CACNA1S: variants seen among roughly 807,000 people sequenced by gnomAD.
CACNA1S encodes calcium voltage-gated channel subunit alpha1 S, also known as voltage-dependent L-type calcium channel subunit alpha-1S.
A neutral mutation model predicts 207.4 loss-of-function variants in CACNA1S; 126 were observed. The observed-to-expected ratio is 0.61, with a 90% CI of 0.53 to 0.70. The LOEUF (loss-of-function observed/expected upper bound fraction) is 0.70. Ranked by LOEUF, CACNA1S falls within the 30% of genes least tolerant of loss-of-function variation. The probability of loss-of-function intolerance (pLI) is 0.00; values close to 1 mark genes in which losing one functional copy is unlikely to be tolerated. For synonymous variants in CACNA1S, 960 were observed against 932.7 expected, an observed-to-expected ratio of 1.03 and a Z score of -0.53; for missense variants, 2,349 against 2,422.8, an observed-to-expected ratio of 0.97 and a Z score of 0.64.
At position 201,040,906 on chromosome 1, in the gene CACNA1S, C is replaced by G. The variant is rs538560763; in HGVS notation, c.5135-193G>C. Among the ~76,000 whole-genome samples the G allele has an allele frequency of 4.8e-4, 73 of 152,352 alleles. 1 individual carries two copies. In the South Asian group the frequency reaches 6.8e-3, roughly 14 times the overall value. ...TCCAGGCCAGGCAGGGCTGCCCCAA[C>G]TTTACTGGCCCTGGTCGCTGTTCTT... On this transcript the variant is annotated intron_variant, in intron 41 of 43. Coordinates refer to ENST00000362061, the MANE Select transcript of CACNA1S (RefSeq NM_000069.3).
At chr1:201,040,860 A>G in intron 41 of CACNA1S, 147 bp from the exon 42 acceptor site, 1 of 667,536 alleles carries the variant, frequency 1.5e-6, no homozygotes. Context: ...GAGGGTGGAC[A>G]CATGATGAGG....
intron 5 of CACNA1S, among the ~76,000 whole-genome samples, chr1:201,091,060 T>C (rs1002476769): frequency 2.0e-5 from 3 of 152,220 alleles, no homozygotes; most frequent in African/African-American, 7.2e-5. Context: ...AAAACCTATA[T>C]AAACAAAAGC....
At chr1:201,111,927 C>T (rs1173131068) in intron 1 of CACNA1S, among the ~76,000 whole-genome samples, 1 of 150,780 alleles carries the variant, frequency 6.6e-6, no homozygotes, top group African/African-American at 2.4e-5. Flanking sequence ...CTTCCTCCTC[C>T]TCCTCTTCCT....
intron 2 of CACNA1S, among the ~76,000 whole-genome samples, chr1:201,108,043 T>C: frequency 6.6e-6 from 1 of 151,918 alleles, no homozygotes; most frequent in Non-Finnish European, 1.5e-5. Flanking sequence ...CAGGACCACG[T>C]GAAACAGTTA....
intron 7 of CACNA1S, among the ~76,000 whole-genome samples, chr1:201,087,494 C>T (rs532505999): frequency 1.5e-3 from 221 of 152,060 alleles, no homozygotes; most frequent in Middle Eastern, 6.8e-3. Context: ...AACAGAGGGA[C>T]GGGAGGGGTG....
At chr1:201,091,900 G>A (rs2102164338) in intron 4 of CACNA1S, 72 bp downstream of exon 4, 1 of 1,607,998 alleles carries the variant, frequency 6.2e-7, no homozygotes, top group Non-Finnish European at 8.5e-7. Context: ...GGTAGGAAGG[G>A]GACCCAGAAC....
chr1:201,061,792 C>T, intron 24 of CACNA1S, 152 bp downstream of exon 24: 1 of 913,238 alleles, frequency 1.1e-6, no homozygotes, highest in Non-Finnish European at 1.8e-6. Flanking sequence ...AGTGACCAGT[C>T]AACATACCAT....
At chr1:201,103,278 G>T (rs1662747920) in intron 2 of CACNA1S, among the ~76,000 whole-genome samples, 1 of 151,892 alleles carries the variant, frequency 6.6e-6, no homozygotes, top group Non-Finnish European at 1.5e-5. Context: ...AGATATTGTG[G>T]TCCTCTGTTC....
At chr1:201,076,877 C>T (rs1476345282) in intron 12 of CACNA1S, 43 bp downstream of exon 12, 2 of 1,561,296 alleles carry the variant, frequency 1.3e-6, no homozygotes, top group Admixed American at 3.3e-5. Context: ...AAGCAGGATT[C>T]AGCAACCGTT....
In CACNA1S at chr1:201,053,638, G is replaced by A; in HGVS notation, c.3667-51C>T. 9.8e-7 allele frequency: 1 copy of A among 1,016,364 alleles called. No individual in the cohort carries two copies. Among genetic ancestry groups the A allele is most frequent in the Non-Finnish European group, 1.5e-6 (1 of 678,152 alleles). The allele number at this position is 1,016,364 out of a possible 1,614,324, so 63.0% of individuals were successfully genotyped here. The stretch of plus-strand genomic sequence containing the variant: ...AGTCTGGGGGCAGAACCTCAGAGGG[G>A]TAAGGGGCAGGGCGGGGAGGGAGGT... On this transcript the variant is annotated intron_variant, in intron 29 of 43. Transcript: ENST00000362061. This position sits in a 1 kb window ranked among gnomAD's most constrained non-coding sequence, Gnocchi z 5.1.
At chr1:201,093,109 T>C (rs574443910) in intron 3 of CACNA1S, among the ~76,000 whole-genome samples, 1 of 152,366 alleles carries the variant, frequency 6.6e-6, no homozygotes, top group East Asian at 1.9e-4. Context: ...TAGTTACTCA[T>C]GGTAATGCTA....
At position 201,085,042 on chromosome 1, in the gene CACNA1S, G is replaced by C. The variant is rs1466916514; in HGVS notation, c.1151-11C>G. On this transcript the variant is annotated splice_polypyrimidine_tract_variant and intron_variant, in intron 8 of 43. Transcript: ENST00000362061. ...CCAAAGACAGTTTTCCTGGAGACAGGAGAGAAAGAGTCAGCCAGCCTTCGG... is the reference window on the plus strand; with the variant it reads ...CCAAAGACAGTTTTCCTGGAGACAGCAGAGAAAGAGTCAGCCAGCCTTCGG... 1 of 1,603,604 alleles carries C rather than the reference G, an allele frequency of 6.2e-7. No individual in the cohort carries two copies. Among genetic ancestry groups the C allele is most frequent in the East Asian group, 2.2e-5 (1 of 44,850 alleles).
chr1:201,045,734 CAAAAA>C lies in CACNA1S; in HGVS notation c.4669-1283_4669-1279del, dbSNP rs56958698. 1.5e-4 allele frequency among the ~76,000 whole-genome samples: 11 copies of C among 72,648 alleles called. No individual in the cohort carries two copies. The South Asian group carries it at 2.7e-3, about 18-fold the overall frequency. The allele number at this position is 72,648 out of a possible 152,430, so 47.7% of individuals were successfully genotyped here. On this transcript the variant is annotated intron_variant, in intron 38 of 43. Coordinates refer to ENST00000362061, the MANE Select transcript of CACNA1S (RefSeq NM_000069.3). ...TGGGCGACAGCGAGACTCTTGTCTC[CAAAAA>C]AAAAAAAAAAAAAAAAAAAGCATCA...
At position 201,087,644 on chromosome 1, in the gene CACNA1S, C is replaced by T. The variant is rs1307258463; in HGVS notation, c.1004+182G>A. On this transcript the variant is annotated intron_variant, in intron 7 of 43. Transcript: ENST00000362061. ...GATGACAGGGAACCCAGGGATGAGC[C>T]GAGGGCCTGACTCACAGCCCCCTGC... 3.9e-5 allele frequency among the ~76,000 whole-genome samples: 6 copies of T among 152,098 alleles called. No homozygotes were observed. In the South Asian group the frequency reaches 6.2e-4, roughly 16 times the overall value.
At chr1:201,097,714 G>A (rs1456689147) in intron 2 of CACNA1S, among the ~76,000 whole-genome samples, 1 of 152,146 alleles carries the variant, frequency 6.6e-6, no homozygotes, top group African/African-American at 2.4e-5. Context: ...ATCAGTAATA[G>A]CATTTGGGCT....
At chr1:201,050,772 T>C (rs1235181995) in intron 33 of CACNA1S, among the ~76,000 whole-genome samples, 1 of 151,810 alleles carries the variant, frequency 6.6e-6, no homozygotes, top group Non-Finnish European at 1.5e-5. Flanking sequence ...AAGTAAGAAC[T>C]TTTGGCAGCC....
At chr1:201,083,979 CTGTT>C (rs1309529164) in intron 9 of CACNA1S, among the ~76,000 whole-genome samples, 2 of 152,104 alleles carry the variant, frequency 1.3e-5, no homozygotes, top group Non-Finnish European at 2.9e-5. Context: ...CCCTGCAGCA[CTGTT>C]TGTATCGCCA....
At chr1:201,060,895 G>A (rs531667889) in intron 25 of CACNA1S, 79 bp from the exon 26 acceptor site, 10 of 1,554,950 alleles carry the variant, frequency 6.4e-6, no homozygotes, top group African/African-American at 4.1e-5. Context: ...TGGGATTGAC[G>A]GGCAAGTCAG....
intron 12 of CACNA1S, 29 bp downstream of exon 12, chr1:201,076,891 A>T (rs1316344825): frequency 6.3e-7 from 1 of 1,595,994 alleles, no homozygotes; most frequent in Non-Finnish European, 8.6e-7. Flanking sequence ...AACCGTTCAG[A>T]AGGAGGGACA....
Sources: allele counts gnomAD v4.1 joint callset (sites outside exome capture counted in the v4.1 genomes callset), GRCh38; gene constraint gnomAD v4.1.1; non-coding constraint Gnocchi (gnomAD v3.1); transcripts MANE v1.5; gene names NCBI Gene and HGNC (gene_info 2026-07-23, HGNC 2026-07-21).